Variants in CLTCL1 observed in about 807,000 individuals in gnomAD.
CLTCL1 encodes clathrin heavy chain 2.
In CLTCL1, 159 loss-of-function variants were observed where a neutral mutation model predicts 190.0. The observed-to-expected ratio is 0.84, with a 90% confidence interval of 0.74 to 0.95. The LOEUF is 0.95. CLTCL1 is among the 40% of genes least tolerant of loss of function. The pLI, the probability that CLTCL1 is intolerant of heterozygous loss-of-function variation, is 0.00. For missense variants in CLTCL1, 1,878 were observed against 2,033.4 expected (o/e 0.92, Z 1.47); for synonymous variants, 752 against 769.6 (o/e 0.98, Z 0.38).
chr22:19,222,558 G>A (rs1265253017), intron 15 of CLTCL1, 126 bp downstream of exon 15: 9 of 1,153,294 alleles, frequency 7.8e-6, no homozygotes, highest in East Asian at 5.2e-5. Flanking sequence ...CTGAGCACAC[G>A]AACCCACCAC....
chr22:19,237,044 A>G (rs1044054268), intron 5 of CLTCL1, among the ~76,000 whole-genome samples: 7 of 152,204 alleles, frequency 4.6e-5, no homozygotes, highest in African/African-American at 1.7e-4. Context: ...ATTAGTCTCA[A>G]AACATGATAC....
Position 19,226,305 on chromosome 22 carries a change from C to T in CLTCL1, c.1861G>A (p.Gly621Ser). 6.2e-7 allele frequency: 1 copy of T among 1,614,052 alleles called. No individual in the cohort carries two copies. Among genetic ancestry groups the T allele is most frequent in the South Asian group, 1.1e-5 (1 of 91,084 alleles). The change falls in exon 12 of 33, where the codon GGC becomes AGC. Residue 621 changes from glycine to serine, a missense_variant. Coordinates refer to ENST00000427926, the MANE Select transcript of CLTCL1 (RefSeq NM_007098.4). The stretch of plus-strand genomic sequence containing the variant: ...TGCTCCAGTGCTTGCTGCAGGAGGC[C>T]TGCCTTCTCACAGAGCTGGGCAATG... ...AHIAQLCEKAGLLQQALEHYT... is the reference protein window; with the variant it reads ...AHIAQLCEKASLLQQALEHYT...
chr22:19,194,108 T>C (rs1046988445), intron 26 of CLTCL1, among the ~76,000 whole-genome samples: 20 of 152,128 alleles, frequency 1.3e-4, no homozygotes, highest in African/African-American at 4.8e-4. Context: ...TGCTGATTGG[T>C]ACGTTTTTTA....
intron 2 of CLTCL1, among the ~76,000 whole-genome samples, chr22:19,265,643 G>A (rs1555977576): frequency 6.6e-6 from 1 of 152,044 alleles, no homozygotes; most frequent in African/African-American, 2.4e-5. Flanking sequence ...TTAATAATCT[G>A]AAATCATTTG....
In CLTCL1 at chr22:19,191,203, G is replaced by A. The variant is rs1241445792; in HGVS notation, c.4323+101C>T. 8 of 1,415,322 alleles carry A rather than the reference G, an allele frequency of 5.7e-6. No homozygotes were observed. The East Asian group carries it at 6.9e-5, about 12-fold the overall frequency. 87.7% of individuals were successfully genotyped at this position (1,415,322 alleles called of 1,614,324 possible). A position where few individuals can be genotyped will look rare whatever the true frequency, so the allele number is the denominator to read the frequency against. On this transcript the variant is annotated intron_variant, in intron 27 of 32. Transcript: ENST00000427926. ...ACACTGGTGAATCTTCAAGTCAGCTGGGGGTCATTTCAAAAACTCTTTATA... is the reference window on the plus strand; with the variant it reads ...ACACTGGTGAATCTTCAAGTCAGCTAGGGGTCATTTCAAAAACTCTTTATA...
chr22:19,236,041 C>T (rs1442578733), intron 5 of CLTCL1, among the ~76,000 whole-genome samples, 172 bp from the exon 6 acceptor site: 2 of 152,156 alleles, frequency 1.3e-5, no homozygotes, highest in African/African-American at 4.8e-5. Context: ...CTCACTGCAA[C>T]TTCCGACCTC....
intron 1 of CLTCL1, among the ~76,000 whole-genome samples, chr22:19,288,705 C>A (rs982637766): frequency 6.6e-6 from 1 of 152,216 alleles, no homozygotes; most frequent in Non-Finnish European, 1.5e-5. Context: ...CGAAAACACT[C>A]GGATGGCTTG....
intron 23 of CLTCL1, among the ~76,000 whole-genome samples, chr22:19,200,940 C>T (rs1023612757): frequency 6.6e-6 from 1 of 152,180 alleles, no homozygotes; most frequent in Non-Finnish European, 1.5e-5. Context: ...TTGGATATTT[C>T]TTCAGTTTTT....
intron 21 of CLTCL1, among the ~76,000 whole-genome samples, 190 bp from the exon 22 acceptor site, chr22:19,208,501 G>A (rs548290621): frequency 1.3e-5 from 2 of 152,220 alleles, no homozygotes; most frequent in East Asian, 1.9e-4. Context: ...CAGAAGGGAG[G>A]AGGGGAGGGG....
At chr22:19,222,135 A>G in intron 15 of CLTCL1, 42 bp from the exon 16 acceptor site, 1 of 1,608,854 alleles carries the variant, frequency 6.2e-7, no homozygotes. Flanking sequence ...TTGCAAACAC[A>G]AGTTATTGTT....
At chr22:19,190,812 C>T (rs1351688245) in intron 27 of CLTCL1, among the ~76,000 whole-genome samples, 1 of 150,856 alleles carries the variant, frequency 6.6e-6, no homozygotes, top group Non-Finnish European at 1.5e-5. Flanking sequence ...GAGTCTCACA[C>T]TGTCACCCAG....
intron 10 of CLTCL1, among the ~76,000 whole-genome samples, chr22:19,230,417 TTC>T (rs2085885866): frequency 6.6e-6 from 1 of 152,132 alleles, no homozygotes; most frequent in Non-Finnish European, 1.5e-5. Flanking sequence ...TTCCATTTTC[TTC>T]TGTCATCGCA....
intron 2 of CLTCL1, among the ~76,000 whole-genome samples, chr22:19,275,020 C>T (rs188042478): frequency 2.0e-3 from 308 of 152,252 alleles, no homozygotes; most frequent in African/African-American, 7.1e-3. Flanking sequence ...TGAGTCACTG[C>T]GCCCGGCCCA....
intron 7 of CLTCL1, among the ~76,000 whole-genome samples, 180 bp downstream of exon 7, chr22:19,234,329 T>C (rs546514379): frequency 6.6e-6 from 1 of 152,230 alleles, no homozygotes; most frequent in African/African-American, 2.4e-5. Flanking sequence ...GCAGCAAGAG[T>C]GTGTTTTTTG....
intron 2 of CLTCL1, among the ~76,000 whole-genome samples, chr22:19,255,672 A>C (rs2086721841): frequency 6.6e-6 from 1 of 150,758 alleles, no homozygotes; most frequent in African/African-American, 2.4e-5. Flanking sequence ...CACTTTGGGA[A>C]GCTGAGGCAG....
At chr22:19,185,428 G>A (rs1231616193) in intron 29 of CLTCL1, among the ~76,000 whole-genome samples, 2 of 151,240 alleles carry the variant, frequency 1.3e-5, no homozygotes, top group Non-Finnish European at 2.9e-5. Context: ...CTGGGTTCAC[G>A]CCATTCTCCT....
In CLTCL1 at chr22:19,233,592, T is replaced by C. The variant is rs782572152; in HGVS notation, c.1198A>G (p.Lys400Glu). The C allele has an allele frequency of 2.5e-6, 4 of 1,613,478 alleles. No individual in the cohort carries two copies. Among genetic ancestry groups the C allele is most frequent in the Non-Finnish European group, 3.4e-6 (4 of 1,179,898 alleles). ...GILRTRETVQ[K>E]FQSIPAQSGQ... ...GACTGAGCGGGTATACTCTGGAATT[T>C]CTGGACCGTCTCTCTGGTACGCAGG... The change falls in exon 8 of 33, where the codon AAA becomes GAA. Residue 400 changes from lysine to glutamate, a missense_variant. Coordinates refer to ENST00000427926, the MANE Select transcript of CLTCL1 (RefSeq NM_007098.4).
rs1555966124 is a variant in CLTCL1, at chr22:19,242,824, T to G, written c.632A>C (p.Lys211Thr). 2 of 1,613,974 alleles carry G rather than the reference T, an allele frequency of 1.2e-6. No individual in the cohort carries two copies. Among genetic ancestry groups the G allele is most frequent in the South Asian group, 2.2e-5 (2 of 91,082 alleles). The change falls in exon 4 of 33, where the codon AAG becomes ACG. Residue 211 changes from lysine (K) to threonine (T), a missense_variant. Lys to Thr is a moderately conservative substitution (Grantham distance 78). Transcript: ENST00000427926. Reference sequence around the variant, plus strand: ...AGCAAAGCAGAAAAGGGTGGCAGGCTTGGCATTCCCCTCCATCTTGAACTC... The same window carrying G: ...AGCAAAGCAGAAAAGGGTGGCAGGCGTGGCATTCCCCTCCATCTTGAACTC... ...FAEFKMEGNA[K>T]PATLFCFAVR...
rs568279292 is a variant in CLTCL1 at position 19,221,930 on chromosome 22, C to T, written c.2561+21G>A. 10 of 1,612,308 alleles carry T rather than the reference C, an allele frequency of 6.2e-6. 1 individual carries two copies. In the East Asian group the frequency reaches 2.0e-4, roughly 32 times the overall value. On this transcript the variant is annotated intron_variant, in intron 16 of 32. Transcript: ENST00000427926. Reference sequence around the variant, plus strand: ...ACTAGAATCCAGGGGTAAGAGAAAACACCAAGTAAGGACACCTTACCTATT... The same window carrying T: ...ACTAGAATCCAGGGGTAAGAGAAAATACCAAGTAAGGACACCTTACCTATT...
Sources: gnomAD v4.1 joint callset for allele counts (sites outside exome capture counted in the v4.1 genomes callset) on GRCh38, gnomAD v4.1.1 for gene constraint, MANE v1.5 for transcripts, NCBI Gene and HGNC (gene_info 2026-07-23, HGNC 2026-07-21) for gene names.